RNF144A: variants seen among roughly 807,000 people sequenced by gnomAD.
RNF144A encodes the protein ring finger protein 144A, also known as E3 ubiquitin-protein ligase RNF144A.
RNF144A carries 11 observed loss-of-function variants against 38.7 expected under a neutral mutation model. That is an observed-to-expected ratio of 0.28 (90% CI 0.18 to 0.47). RNF144A has a LOEUF of 0.47. Ranked by LOEUF, RNF144A falls within the 20% of genes least tolerant of loss-of-function variation. The pLI is 0.99. For synonymous variants in RNF144A, 149 were observed against 143.9 expected (o/e 1.04, Z -0.25); for missense variants, 316 against 377.2 (o/e 0.84, Z 1.34).
At chr2:6,967,441 G>T (rs1380461171) in intron 2 of RNF144A, among the ~76,000 whole-genome samples, 4 of 152,172 alleles carry the variant, frequency 2.6e-5, no homozygotes, top group Non-Finnish European at 5.9e-5. Flanking sequence ...GTATCCCATT[G>T]TGCCCCACCC....
Position 7,043,552 on chromosome 2 carries a change from CTTGT to C in RNF144A, c.*3795_*3798del, listed in dbSNP as rs1382583292. ...AAGTTCTCTTTAAAAAATACCAAAG[CTTGT>C]TTATTTCTGATAATTAACCTAAGCC... On this transcript the variant is annotated 3_prime_UTR_variant, in exon 9 of 9. Transcript: ENST00000320892. The C allele has an allele frequency of 3.0e-6, 3 of 985,562 alleles. No individual in the cohort carries two copies. Among genetic ancestry groups the C allele is most frequent in the Non-Finnish European group, 2.4e-6 (2 of 829,804 alleles). 61.1% of individuals were successfully genotyped at this position (985,562 alleles called of 1,614,324 possible). A position where few individuals can be genotyped will look rare whatever the true frequency, so the allele number is the denominator to read the frequency against.
chr2:7,008,406 G>T (rs918353084), intron 3 of RNF144A, among the ~76,000 whole-genome samples: 1 of 152,226 alleles, frequency 6.6e-6, no homozygotes, highest in Non-Finnish European at 1.5e-5. Context: ...AAGCTCTGCT[G>T]ACACAGTGCC....
intron 3 of RNF144A, 47 bp downstream of exon 3, chr2:6,997,108 G>A (rs1220685981): frequency 1.3e-6 from 2 of 1,595,814 alleles, no homozygotes; most frequent in Admixed American, 1.7e-5. Context: ...TTTAGGATGA[G>A]CTTTTTGCTT....
At position 6,941,921 on chromosome 2, in the gene RNF144A, G is replaced by A. The variant is rs1666016630; in HGVS notation, c.-12+774G>A. 6.6e-6 allele frequency among the ~76,000 whole-genome samples: 1 copy of A among 152,278 alleles called. No individual in the cohort carries two copies. The highest frequency in any genetic ancestry group is 1.5e-5 in the Non-Finnish European group (1 of 68,054). ...GTGAGCTGGGACTGGGCAGGGCATAGTGGGACCTGGCTGTGCCTGCCATTG... is the reference window on the plus strand; with the variant it reads ...GTGAGCTGGGACTGGGCAGGGCATAATGGGACCTGGCTGTGCCTGCCATTG... On this transcript the variant is annotated intron_variant, in intron 2 of 8. Transcript: ENST00000320892. This position sits in a 1 kb window ranked among gnomAD's most constrained non-coding sequence, Gnocchi z 6.5.
chr2:6,942,302 G>A (rs908824193), intron 2 of RNF144A, among the ~76,000 whole-genome samples: 1 of 152,070 alleles, frequency 6.6e-6, no homozygotes, highest in Non-Finnish European at 1.5e-5. Context: ...TAGAGTCCAG[G>A]ATACCATCTC....
chr2:6,986,250 G>GTT (rs1171271976), intron 2 of RNF144A, among the ~76,000 whole-genome samples: 1 of 146,506 alleles, frequency 6.8e-6, no homozygotes. Context: ...ATAAAACCCG[G>GTT]TTTTTTTTTT....
At chr2:7,049,049 G>C (rs150155016), downstream of RNF144A, among the ~76,000 whole-genome samples, 1,511 of 152,324 alleles carry the variant, frequency 9.9e-3, 11 homozygotes, top group Non-Finnish European at 0.015. Context: ...AGGGTTTGTG[G>C]GGCCCTATAG....
intron 3 of RNF144A, among the ~76,000 whole-genome samples, chr2:7,008,263 G>A (rs958152524): frequency 6.6e-6 from 1 of 152,226 alleles, no homozygotes; most frequent in African/African-American, 2.4e-5. Flanking sequence ...CGGGTGCGTG[G>A]TCACATGTGC....
At chr2:7,029,498 C>T (rs1377720923) in intron 7 of RNF144A, among the ~76,000 whole-genome samples, 1 of 152,210 alleles carries the variant, frequency 6.6e-6, no homozygotes, top group Non-Finnish European at 1.5e-5. Flanking sequence ...GCTGCCCACT[C>T]AGGATGGTCT....
chr2:6,957,177 C>T (rs188933153), intron 2 of RNF144A, among the ~76,000 whole-genome samples: 14 of 152,282 alleles, frequency 9.2e-5, no homozygotes, highest in African/African-American at 3.1e-4. Flanking sequence ...GAGCCCTTCT[C>T]GTTGAGAAAC....
At position 7,042,364 on chromosome 2, in the gene RNF144A, G is replaced by A. The variant is rs764519170; in HGVS notation, c.*2604G>A. ...GTGGACGGACTTATTCCTGTGAAGCGGCATAATTTGTCTCCATTGAAAAAT... is the reference window on the plus strand; with the variant it reads ...GTGGACGGACTTATTCCTGTGAAGCAGCATAATTTGTCTCCATTGAAAAAT... On this transcript the variant is annotated 3_prime_UTR_variant, in exon 9 of 9. Transcript: ENST00000320892. 1.3e-5 allele frequency: 13 copies of A among 985,316 alleles called. No homozygotes were observed. The highest frequency in any genetic ancestry group is 7.0e-5 in the African/African-American group (4 of 57,234). 61.0% of individuals were successfully genotyped at this position (985,316 alleles called of 1,614,324 possible).
At chr2:6,997,453 TTCAGTCC>T (rs1229420381) in intron 3 of RNF144A, among the ~76,000 whole-genome samples, 26 of 152,242 alleles carry the variant, frequency 1.7e-4, no homozygotes, top group African/African-American at 6.3e-4. Flanking sequence ...AGCTAGAATA[TTCAGTCC>T]TCAGTGTCAT....
At chr2:6,936,853 G>A (rs904572924) in intron 1 of RNF144A, among the ~76,000 whole-genome samples, 1 of 149,558 alleles carries the variant, frequency 6.7e-6, no homozygotes, top group Non-Finnish European at 1.5e-5. Flanking sequence ...TAGTGTGTGT[G>A]TGTGTGTGTG....
intron 8 of RNF144A, among the ~76,000 whole-genome samples, chr2:7,036,564 A>G (rs1558453576): frequency 6.6e-6 from 1 of 152,184 alleles, no homozygotes; most frequent in Non-Finnish European, 1.5e-5. Flanking sequence ...TTGTACTTAC[A>G]CCAGGATGCT....
intron 6 of RNF144A, among the ~76,000 whole-genome samples, chr2:7,065,091 T>C (rs1482011687): frequency 1.3e-5 from 2 of 152,276 alleles, no homozygotes; most frequent in African/African-American, 2.4e-5. Context: ...TTGTCTGCTA[T>C]GTGCTAGGTA....
intron 2 of RNF144A, among the ~76,000 whole-genome samples, chr2:6,953,402 C>G (rs975532419): frequency 1.3e-5 from 2 of 152,198 alleles, no homozygotes; most frequent in Non-Finnish European, 2.9e-5. Context: ...GCATTGCAGT[C>G]TGGGAAACAA....
intron 1 of RNF144A, chr2:6,918,769 A>AAAAAAAAAAAAC: frequency 6.9e-6 from 1 of 145,738 alleles, no homozygotes. Flanking sequence ...GTCTCAAAAA[A>AAAAAAAAAAAAC]AAAAAAAAAA....
At chr2:6,956,841 AATT>A (rs905319017) in intron 2 of RNF144A, among the ~76,000 whole-genome samples, 12 of 152,204 alleles carry the variant, frequency 7.9e-5, no homozygotes, top group African/African-American at 2.9e-4. Context: ...GGCACTTGCA[AATT>A]ATTACTTATC....
At chr2:7,020,218 A>T (rs143044707) in intron 5 of RNF144A, among the ~76,000 whole-genome samples, 342 of 152,252 alleles carry the variant, frequency 2.2e-3, no homozygotes, top group Non-Finnish European at 3.8e-3. Flanking sequence ...AGGGCATTCC[A>T]GGGGCAGGAG....
Sources: allele counts gnomAD v4.1 joint callset (sites outside exome capture counted in the v4.1 genomes callset), GRCh38; gene constraint gnomAD v4.1.1; non-coding constraint Gnocchi (gnomAD v3.1); transcripts MANE v1.5; gene names NCBI Gene and HGNC (gene_info 2026-07-23, HGNC 2026-07-21).